Variants in PCCA observed in about 807,000 individuals in gnomAD.
PCCA encodes propionyl-CoA carboxylase alpha chain, mitochondrial.
In PCCA, 74 loss-of-function variants were observed where a neutral mutation model predicts 101.3. The observed-to-expected ratio is 0.73, with a 90% confidence interval of 0.61 to 0.89. PCCA has a LOEUF of 0.89. Among genes scored for constraint, PCCA ranks in the 40% least tolerant of loss-of-function variants. PCCA has a pLI of 0.00. For missense variants in PCCA, 891 were observed against 907.0 expected (o/e 0.98, Z 0.23); for synonymous variants, 294 against 313.6 (o/e 0.94, Z 0.66).
chr13:100,155,158 T>C, intron 5 of PCCA, 66 bp downstream of exon 5: 2 of 1,043,046 alleles, frequency 1.9e-6, no homozygotes, highest in South Asian at 1.3e-5. Context: ...CTAGAGTTTG[T>C]ATTTAAAAAA....
At chr13:100,165,379 G>A (rs562212672) in intron 6 of PCCA, among the ~76,000 whole-genome samples, 12 of 152,178 alleles carry the variant, frequency 7.9e-5, no homozygotes, top group African/African-American at 2.2e-4. Context: ...TGTAATGTCC[G>A]CTTTACATAA....
intron 21 of PCCA, among the ~76,000 whole-genome samples, chr13:100,500,679 C>T (rs992429352): frequency 2.0e-5 from 3 of 152,166 alleles, no homozygotes; most frequent in Non-Finnish European, 2.9e-5. Context: ...TCTATATTAA[C>T]GAGTTCCTTT....
chr13:100,296,315 A>G (rs1286423935), intron 12 of PCCA, among the ~76,000 whole-genome samples: 1 of 151,728 alleles, frequency 6.6e-6, no homozygotes, highest in African/African-American at 2.4e-5. Flanking sequence ...ATCTTGCCTC[A>G]CTGCAGCCTC....
intron 4 of PCCA, among the ~76,000 whole-genome samples, chr13:100,151,612 G>GAAAACAAAAC (rs896736005): frequency 6.6e-6 from 1 of 150,724 alleles, no homozygotes; most frequent in Non-Finnish European, 1.5e-5. Context: ...CAAACAAACA[G>GAAAACAAAAC]AAAACAAAAC....
In PCCA at chr13:100,171,606, C is replaced by T. The variant is rs190766118; in HGVS notation, c.468+14266C>T. 1.7e-4 allele frequency among the ~76,000 whole-genome samples: 26 copies of T among 152,316 alleles called. 1 individual carries two copies. The East Asian group carries it at 4.2e-3, about 25-fold the overall frequency. On this transcript the variant is annotated intron_variant, in intron 6 of 23. Coordinates refer to ENST00000376285, the MANE Select transcript of PCCA (RefSeq NM_000282.4). ...CTTACTAGTCATTAATAATTCTTTA[C>T]GGCCAGACGCAGTGGCCTACGCCTG...
Position 100,282,186 on chromosome 13 carries a change from T to A in PCCA, c.1065+8840T>A, listed in dbSNP as rs576263384. ...GGGGGAAATTAGCCCTTTGTGATAT[T>A]GTCAGAAAGGAGGGGCTTTGTGAAT... On this transcript the variant is annotated intron_variant, in intron 12 of 23. Coordinates refer to ENST00000376285, the MANE Select transcript of PCCA (RefSeq NM_000282.4). Among the ~76,000 whole-genome samples, 102 of 152,350 alleles carry A rather than the reference T, an allele frequency of 6.7e-4. 1 individual carries two copies. Among genetic ancestry groups the A allele is most frequent in the African/African-American group, 2.3e-3 (96 of 41,586 alleles).
rs777836240 is a variant in PCCA, at chr13:100,458,440, T to TACAC, written c.1899+9178_1899+9181dup. ...CTCTGCGCGCACACACACACACACA[T>TACAC]ACACACACACACACACACACACACA... On this transcript the variant is annotated intron_variant, in intron 21 of 23. Coordinates refer to ENST00000376285, the MANE Select transcript of PCCA (RefSeq NM_000282.4). 2.4e-3 allele frequency among the ~76,000 whole-genome samples: 280 copies of TACAC among 118,826 alleles called. 3 individuals carry two copies. Among genetic ancestry groups the TACAC allele is most frequent in the Middle Eastern group, 4.3e-3 (1 of 232 alleles). The allele number at this position is 118,826 out of a possible 152,430, so 78.0% of individuals were successfully genotyped here.
At chr13:100,110,347 G>C (rs528698390) in intron 2 of PCCA, among the ~76,000 whole-genome samples, 7 of 152,250 alleles carry the variant, frequency 4.6e-5, no homozygotes, top group African/African-American at 1.4e-4. Context: ...AAAACGATTA[G>C]CTTGTACAAT....
At chr13:100,114,666 A>G (rs1031361630) in intron 4 of PCCA, among the ~76,000 whole-genome samples, 2 of 152,198 alleles carry the variant, frequency 1.3e-5, no homozygotes, top group African/African-American at 4.8e-5. Flanking sequence ...AATCACAAAC[A>G]GGTATATGTA....
At position 100,206,348 on chromosome 13, in the gene PCCA, A is replaced by G. The variant is rs560050126; in HGVS notation, c.469-2984A>G. 4.6e-5 allele frequency among the ~76,000 whole-genome samples: 7 copies of G among 151,838 alleles called. No homozygotes were observed. The East Asian group carries it at 7.8e-4, about 17-fold the overall frequency. ...GTGGTGCAATCTTGGCTCACTGCAA[A>G]CTCTACCTCCCAGGTTCAAGCAATT... is the stretch of plus-strand genomic sequence containing the variant. On this transcript the variant is annotated intron_variant, in intron 6 of 23. Transcript: ENST00000376285.
At chr13:100,393,447 C>T (rs1035096335) in intron 19 of PCCA, among the ~76,000 whole-genome samples, 2 of 124,184 alleles carry the variant, frequency 1.6e-5, no homozygotes, top group Non-Finnish European at 3.1e-5. Flanking sequence ...GAGATGGAGT[C>T]ACGCTCTGTC....
At chr13:100,362,344 C>G (rs772716078) in intron 18 of PCCA, among the ~76,000 whole-genome samples, 16 of 152,134 alleles carry the variant, frequency 1.1e-4, no homozygotes, top group Non-Finnish European at 2.1e-4. Context: ...TCAGATATTT[C>G]TGCACCCAAT....
intron 16 of PCCA, among the ~76,000 whole-genome samples, chr13:100,319,323 G>A (rs1176923575): frequency 6.6e-6 from 1 of 151,910 alleles, no homozygotes; most frequent in African/African-American, 2.4e-5. Flanking sequence ...TTGCTGTGCA[G>A]AAGCTCTTTA....
chr13:100,158,884 T>C (rs2054142858), intron 6 of PCCA, among the ~76,000 whole-genome samples: 2 of 152,004 alleles, frequency 1.3e-5, no homozygotes, highest in Admixed American at 6.6e-5. Flanking sequence ...AAATACTTTT[T>C]CTATGGTCCT....
intron 20 of PCCA, among the ~76,000 whole-genome samples, chr13:100,444,732 C>T (rs1271563771): frequency 2.0e-5 from 3 of 151,996 alleles, no homozygotes; most frequent in Admixed American, 6.6e-5. Flanking sequence ...TGAGCCACTG[C>T]ACCCGGTGGT....
intron 16 of PCCA, among the ~76,000 whole-genome samples, chr13:100,310,282 G>T (rs141884396): frequency 6.6e-6 from 1 of 152,068 alleles, no homozygotes; most frequent in African/African-American, 2.4e-5. Context: ...CTATATATGC[G>T]AGTTTAGATA....
At chr13:100,515,652 C>T (rs983473658) in intron 22 of PCCA, 85 bp downstream of exon 22, 65 of 1,523,330 alleles carry the variant, frequency 4.3e-5, no homozygotes, top group Middle Eastern at 2.1e-4. Flanking sequence ...CAGCACGATT[C>T]GGCTCTTTGC....
chr13:100,518,959 A>C (rs531265841), intron 22 of PCCA, among the ~76,000 whole-genome samples: 3 of 152,368 alleles, frequency 2.0e-5, no homozygotes, highest in Middle Eastern at 3.4e-3. Flanking sequence ...CCACATGTCA[A>C]ATTAGACTTA....
chr13:100,461,377 A>G (rs1396286838), intron 21 of PCCA, among the ~76,000 whole-genome samples: 3 of 152,228 alleles, frequency 2.0e-5, no homozygotes, highest in Non-Finnish European at 4.4e-5. Flanking sequence ...ACAGATATCA[A>G]ATTTTAATAG....
Sources: allele counts gnomAD v4.1 joint callset (sites outside exome capture counted in the v4.1 genomes callset), GRCh38; gene constraint gnomAD v4.1.1; transcripts MANE v1.5; gene names NCBI Gene and HGNC (gene_info 2026-07-23, HGNC 2026-07-21).